The following ACSL4 variants were observed in gnomAD, a reference collection of about 807,000 sequenced individuals.
The protein encoded by ACSL4 is acyl-CoA synthetase long chain family member 4.
Under a neutral mutation model 49.1 loss-of-function variants are expected in ACSL4, and 9 were observed. The observed-to-expected ratio is 0.18, with a 90% CI of 0.11 to 0.32. The LOEUF is 0.32. Ranked by LOEUF, ACSL4 falls within the 10% of genes least tolerant of loss-of-function variation. The probability of loss-of-function intolerance (pLI) is 1.00; values close to 1 mark genes in which losing one functional copy is unlikely to be tolerated. For synonymous variants in ACSL4, 191 were observed against 170.3 expected (o/e 1.12, Z -0.95); for missense variants, 333 against 493.7 (o/e 0.67, Z 3.08).
At chrX:109,652,892 G>A (rs1470920790) in intron 15 of ACSL4, among the ~76,000 whole-genome samples, 5 of 111,456 alleles carry the variant, frequency 4.5e-5, no homozygotes, top group Non-Finnish European at 9.4e-5. Flanking sequence ...ATCTGATTAT[G>A]TTAACAGGCC....
At chrX:109,668,595 T>C (rs1361388085) in intron 10 of ACSL4, among the ~76,000 whole-genome samples, 1 of 111,898 alleles carries the variant, frequency 8.9e-6, no homozygotes, top group Non-Finnish European at 1.9e-5. Flanking sequence ...TCACTTCCAA[T>C]AAAAAATGCT....
At chrX:109,702,665 A>T (rs1380047931) in intron 1 of ACSL4, among the ~76,000 whole-genome samples, 1 of 111,950 alleles carries the variant, frequency 8.9e-6, no homozygotes, top group Non-Finnish European at 1.9e-5. Flanking sequence ...GAAATATTCA[A>T]GATGAGGTTA....
At chrX:109,646,818 TGGAG>T (rs1192525475) in intron 15 of ACSL4, among the ~76,000 whole-genome samples, 277 of 109,685 alleles carry the variant, frequency 2.5e-3, no homozygotes, top group Middle Eastern at 4.7e-3. Context: ...AATAAAAGGA[TGGAG>T]GAAGATCTAC....
At chrX:109,654,443 C>T (rs1025669018) in intron 15 of ACSL4, among the ~76,000 whole-genome samples, 2 of 110,828 alleles carry the variant, frequency 1.8e-5, no homozygotes, top group South Asian at 3.7e-4. Flanking sequence ...CAACAAAACA[C>T]GAAGAGTATA....
At chrX:109,647,177 T>C (rs935355489) in intron 15 of ACSL4, among the ~76,000 whole-genome samples, 4 of 111,352 alleles carry the variant, frequency 3.6e-5, no homozygotes, top group African/African-American at 9.8e-5. Context: ...GTGGACCTAA[T>C]AGACATCTAC....
At chrX:109,653,210 T>C (rs772941402) in intron 15 of ACSL4, among the ~76,000 whole-genome samples, 3 of 111,627 alleles carry the variant, frequency 2.7e-5, no homozygotes, top group East Asian at 5.6e-4. Context: ...AAAATGCTCA[T>C]CATCACTGGC....
chrX:109,717,351 C>G (rs1211124810), intron 1 of ACSL4, among the ~76,000 whole-genome samples: 1 of 110,080 alleles, frequency 9.1e-6, no homozygotes, highest in African/African-American at 3.3e-5. Flanking sequence ...AAAAAATTAC[C>G]TGGGCAAGGT....
In ACSL4 at chrX:109,650,409, C is replaced by A. The variant is rs1248990417; in HGVS notation, c.1856-6223G>T. ...GGATGAAATTGGAAATCATCATTCT[C>A]AGTAAACTATCGCAAGAACAAAAAA... On this transcript the variant is annotated intron_variant, in intron 15 of 15. Transcript: ENST00000672401. Among the ~76,000 whole-genome samples, 6 of 105,816 alleles carry A rather than the reference C, an allele frequency of 5.7e-5. No individual in the cohort carries two copies. The Admixed American group carries it at 6.2e-4, about 11-fold the overall frequency. The allele number at this position is 105,816 out of a possible 115,157, so 91.9% of individuals were successfully genotyped here.
chrX:109,682,492 C>A (rs762942856), intron 4 of ACSL4, among the ~76,000 whole-genome samples: 1 of 95,960 alleles, frequency 1.0e-5, no homozygotes, highest in African/African-American at 4.0e-5. Flanking sequence ...AAGTGTAAAT[C>A]ACATCCCTTA....
At chrX:109,677,576 C>T (rs1047487479) in intron 8 of ACSL4, among the ~76,000 whole-genome samples, 5 of 109,718 alleles carry the variant, frequency 4.6e-5, no homozygotes, top group Admixed American at 2.9e-4. Context: ...GTCAGGAGTT[C>T]GAGACTAGCC....
chrX:109,642,806 C>G lies in ACSL4; in HGVS notation c.*1223G>C, dbSNP rs1934485266. The G allele has an allele frequency of 9.0e-6, 1 of 111,068 alleles. No homozygotes were observed. The highest frequency in any genetic ancestry group is 3.8e-4 in the South Asian group (1 of 2,644). The allele number at this position is 111,068 out of a possible 1,213,427, so 9.2% of individuals were successfully genotyped here. On this transcript the variant is annotated 3_prime_UTR_variant, in exon 16 of 16. Transcript: ENST00000672401. ...TTATCAAGTAACTCTGCCCTTCTCCCAAATCTAGTATTTCCAGTTTCTAAG... is the reference window on the plus strand; with the variant it reads ...TTATCAAGTAACTCTGCCCTTCTCCGAAATCTAGTATTTCCAGTTTCTAAG...
intron 1 of ACSL4, among the ~76,000 whole-genome samples, chrX:109,727,988 C>T (rs1928147027): frequency 8.9e-6 from 1 of 112,392 alleles, no homozygotes; most frequent in South Asian, 3.6e-4. Flanking sequence ...CAATCTACTT[C>T]CCTCACTGCA....
intron 2 of ACSL4, among the ~76,000 whole-genome samples, chrX:109,685,598 A>G (rs1309847986): frequency 9.0e-6 from 1 of 111,317 alleles, no homozygotes; most frequent in Non-Finnish European, 1.9e-5. Context: ...TTTTTATACC[A>G]TCTAATATAA....
intron 1 of ACSL4, among the ~76,000 whole-genome samples, chrX:109,719,453 C>G (rs974711350): frequency 4.5e-5 from 5 of 112,006 alleles, no homozygotes; most frequent in Non-Finnish European, 9.4e-5. Flanking sequence ...CTATTTTGTA[C>G]TCCTCGCGCT....
rs748579148 is a variant in ACSL4, at chrX:109,642,096, A to G, written c.*1933T>C. ...TTAATTATGTGTTTCTAAAGGACCT[A>G]TAACAGATCAGTTGGCAGTGTTCTA... On this transcript the variant is annotated 3_prime_UTR_variant, in exon 16 of 16. Transcript: ENST00000672401. 2 of 111,957 alleles carry G rather than the reference A, an allele frequency of 1.8e-5. No homozygotes were observed. Among genetic ancestry groups the G allele is most frequent in the Admixed American group, 1.9e-4 (2 of 10,434 alleles). 9.2% of individuals were successfully genotyped at this position (111,957 alleles called of 1,213,427 possible).
At chrX:109,649,035 C>A in intron 15 of ACSL4, among the ~76,000 whole-genome samples, 1 of 106,859 alleles carries the variant, frequency 9.4e-6, no homozygotes, top group African/African-American at 3.4e-5. Flanking sequence ...AGGATACAAA[C>A]AAATGGAAGA....
At chrX:109,655,334 C>A (rs547261004) in intron 15 of ACSL4, among the ~76,000 whole-genome samples, 3 of 111,062 alleles carry the variant, frequency 2.7e-5, no homozygotes, top group South Asian at 3.8e-4. Context: ...CATGAAAGAG[C>A]AACAGGGTGC....
rs140831920 is a variant in ACSL4 at position 109,675,235 on chromosome X, C to T, written c.931-762G>A. Among the ~76,000 whole-genome samples the T allele has an allele frequency of 5.7e-3, 649 of 113,004 alleles. 6 individuals are homozygous for T. The highest frequency in any genetic ancestry group is 0.018 in the African/African-American group (559 of 31,208). ...GGTCGGAGTTGCCCTCTGCATGCTA[C>T]TGACCAGCTCTTGCTACAGAGAGCA... is the stretch of plus-strand genomic sequence containing the variant. On this transcript the variant is annotated intron_variant, in intron 8 of 15. Coordinates refer to ENST00000672401, the MANE Select transcript of ACSL4 (RefSeq NM_001318510.2).
At chrX:109,652,691 T>C (rs757666349) in intron 15 of ACSL4, among the ~76,000 whole-genome samples, 51 of 111,550 alleles carry the variant, frequency 4.6e-4, no homozygotes, top group South Asian at 1.8e-3. Flanking sequence ...AGAAATACTA[T>C]ATTGAGAGCA....
Sources: gnomAD v4.1 joint callset for allele counts (sites outside exome capture counted in the v4.1 genomes callset) on GRCh38, gnomAD v4.1.1 for gene constraint, MANE v1.5 for transcripts, NCBI Gene and HGNC (gene_info 2026-07-23, HGNC 2026-07-21) for gene names.